The following FCRL5 variants were observed in gnomAD, a reference collection of about 807,000 sequenced individuals.
FCRL5 encodes Fc receptor-like protein 5.
A neutral mutation model predicts 92.1 loss-of-function variants in FCRL5; 79 were observed. The ratio of observed to expected loss-of-function variants is 0.86; its 90% CI spans 0.72 to 1.03. FCRL5 has a LOEUF of 1.03. Among genes scored for constraint, FCRL5 ranks in the 50% least tolerant of loss-of-function variants. FCRL5 has a pLI of 0.00. For synonymous variants in FCRL5, 466 were observed against 469.3 expected (o/e 0.99, Z 0.09); for missense variants, 1,160 against 1,181.1 (o/e 0.98, Z 0.26).
intron 9 of FCRL5, among the ~76,000 whole-genome samples, chr1:157,526,201 GA>G (rs538477861): frequency 1.3e-5 from 2 of 152,204 alleles, no homozygotes; most frequent in South Asian, 4.1e-4. Context: ...TTTCAAGAAG[GA>G]AGAAATGGTA....
intron 10 of FCRL5, chr1:157,523,921 G>A (rs893175828): frequency 4.1e-5 from 14 of 343,306 alleles, no homozygotes; most frequent in Admixed American, 4.3e-5. Context: ...AGAAGAATCC[G>A]GACAAGAAAC....
In FCRL5 at chr1:157,534,874, A is replaced by G; in HGVS notation, c.1421T>C (p.Val474Ala). ...LSVTVPVSHPVLTLSSAEALT... is the reference protein window; with the variant it reads ...LSVTVPVSHPALTLSSAEALT... Reference sequence around the variant, plus strand: ...GGCCTCAGCAGAGCTGAGGGTGAGGACAGGATGAGACACAGGGACTGAGGA... The same window carrying G: ...GGCCTCAGCAGAGCTGAGGGTGAGGGCAGGATGAGACACAGGGACTGAGGA... Residue 474 changes from valine to alanine, a missense_variant, in exon 8 of 17, where the codon GTC (valine) becomes GCC (alanine). Physicochemically the swap from Val to Ala is moderately conservative, Grantham distance 64. Transcript: ENST00000361835. 3 of 1,536,858 alleles carry G rather than the reference A, an allele frequency of 2.0e-6. No individual in the cohort carries two copies. The highest frequency in any genetic ancestry group is 1.3e-5 in the South Asian group (1 of 77,382).
At chr1:157,547,756 C>A (rs1313029749) in intron 2 of FCRL5, among the ~76,000 whole-genome samples, 1 of 152,246 alleles carries the variant, frequency 6.6e-6, no homozygotes, top group African/African-American at 2.4e-5. Context: ...GTGACCAGGA[C>A]AAAGTTACAG....
intron 7 of FCRL5, among the ~76,000 whole-genome samples, chr1:157,537,671 G>A (rs1376719171): frequency 2.0e-5 from 3 of 152,090 alleles, no homozygotes; most frequent in African/African-American, 7.2e-5. Context: ...TATGGCTTAA[G>A]GGGCATCATG....
chr1:157,522,583 A>T (rs929300969), intron 10 of FCRL5: 2 of 152,252 alleles, frequency 1.3e-5, no homozygotes, highest in African/African-American at 4.8e-5. Flanking sequence ...GAACCTGGTG[A>T]AGGCTCAGTG....
intron 8 of FCRL5, among the ~76,000 whole-genome samples, chr1:157,529,412 G>T (rs1025336754): frequency 1.3e-5 from 2 of 152,120 alleles, no homozygotes; most frequent in African/African-American, 2.4e-5. Flanking sequence ...ACTAAAAGTA[G>T]AACTACCATT....
At chr1:157,515,974 C>G in intron 15 of FCRL5, 101 bp from the exon 16 acceptor site, 3 of 1,311,324 alleles carry the variant, frequency 2.3e-6, no homozygotes, top group Admixed American at 3.7e-5. Context: ...GAGGCCCGCT[C>G]TCCCTCTGTG....
chr1:157,552,281 G>A, intron 1 of FCRL5, 51 bp downstream of exon 1: 1 of 1,585,978 alleles, frequency 6.3e-7, no homozygotes, highest in Non-Finnish European at 8.7e-7. Context: ...GCGGTGGAGA[G>A]AGAAGCTGTC....
rs995462051 is a variant in FCRL5 at position 157,524,129 on chromosome 1, C to G, written c.2239+150G>C. 1.2e-5 allele frequency: 9 copies of G among 724,190 alleles called. No individual in the cohort carries two copies. The African/African-American group carries it at 1.6e-4, about 13-fold the overall frequency. 44.9% of individuals were successfully genotyped at this position (724,190 alleles called of 1,614,324 possible). On this transcript the variant is annotated intron_variant, in intron 10 of 16. Transcript: ENST00000361835. ...GAACCATACCACAAAGGATCCGAGA[C>G]TTTCACAGGGAGGTTCTGCAGGCAG...
chr1:157,545,764 G>A (rs6694673), intron 3 of FCRL5, among the ~76,000 whole-genome samples: 36,589 of 151,946 alleles, frequency 0.24, 4,744 homozygotes, highest in Middle Eastern at 0.38. Flanking sequence ...TCCTGACCTC[G>A]TGATCCACCC....
At chr1:157,545,129 C>T in intron 3 of FCRL5, 47 bp from the exon 4 acceptor site, 1 of 1,557,608 alleles carries the variant, frequency 6.4e-7, no homozygotes. Flanking sequence ...ACTGTTTCCC[C>T]TTTCTTTTCA....
intron 5 of FCRL5, 106 bp downstream of exon 5, chr1:157,544,156 A>G (rs1329157232): frequency 7.8e-6 from 9 of 1,158,724 alleles, no homozygotes; most frequent in Non-Finnish European, 1.1e-5. Context: ...CCATTCTCAC[A>G]GGTACGAGTT....
chr1:157,516,262 G>A (rs1125969), intron 15 of FCRL5, among the ~76,000 whole-genome samples: 37,570 of 152,260 alleles, frequency 0.25, 5,584 homozygotes, highest in Admixed American at 0.39. Flanking sequence ...TGAGCCTGCC[G>A]CCTGTCTTGT....
In FCRL5 at chr1:157,527,607, G is replaced by C. The variant is rs1650488113; in HGVS notation, c.1960+10C>G. On this transcript the variant is annotated intron_variant, in intron 9 of 16. Transcript: ENST00000361835. The stretch of plus-strand genomic sequence containing the variant: ...TTTTTATTTTTGTGCTGCTGGTTAG[G>C]TCAACTTACCTATAACACTGAGTGA... The C allele has an allele frequency of 1.3e-6, 2 of 1,572,904 alleles. No individual in the cohort carries two copies. The highest frequency in any genetic ancestry group is 1.7e-6 in the Non-Finnish European group (2 of 1,159,294).
chr1:157,544,458 A>C lies in FCRL5; in HGVS notation c.648T>G (p.Ser216=), dbSNP rs1405274971. 1 of 1,614,214 alleles carries C rather than the reference A, an allele frequency of 6.2e-7. No homozygotes were observed. Among genetic ancestry groups the C allele is most frequent in the Non-Finnish European group, 8.5e-7 (1 of 1,180,040 alleles). The change falls in exon 5 of 17, where the codon TCT becomes TCG. Residue 216 remains serine, a synonymous_variant. Transcript: ENST00000361835. The part of the protein sequence containing the change: ...PVTLTCETQL[S]LERSDVPLRF... ...GGAGCGGGACATCTGACCTCTCTAGAGAGAGCTGGGTCTCACAGGTCAGGG... is the reference window on the plus strand; with the variant it reads ...GGAGCGGGACATCTGACCTCTCTAGCGAGAGCTGGGTCTCACAGGTCAGGG...
rs1335493774 is a variant in FCRL5 at position 157,539,101 on chromosome 1, T to A, written c.1387A>T (p.Ser463Cys). Residue 463 changes from serine to cysteine, a missense_variant, in exon 7 of 17, where the codon AGC (serine) becomes TGC (cysteine). Ser to Cys is a moderately radical substitution (Grantham distance 112). Coordinates refer to ENST00000361835, the MANE Select transcript of FCRL5 (RefSeq NM_031281.3). ...CAGGGCTTACCAGTGACGGAGAGGC[T>A]CACCGCCTTACTGCGCTGGGGGCCA... is the stretch of plus-strand genomic sequence containing the variant. ...GFGPQRSKAVSLSVTVPVSHP... is the reference protein window; with the variant it reads ...GFGPQRSKAVCLSVTVPVSHP... 2 of 1,613,466 alleles carry A rather than the reference T, an allele frequency of 1.2e-6. No individual in the cohort carries two copies. The highest frequency in any genetic ancestry group is 1.7e-6 in the Non-Finnish European group (2 of 1,179,846).
chr1:157,542,690 G>T, intron 6 of FCRL5, 169 bp downstream of exon 6: 1 of 809,146 alleles, frequency 1.2e-6, no homozygotes, highest in South Asian at 1.9e-5. Context: ...AATGCAACGA[G>T]ACTCAAGAGG....
At chr1:157,528,031 C>T in intron 8 of FCRL5, 136 bp from the exon 9 acceptor site, 1 of 1,019,822 alleles carries the variant, frequency 9.8e-7, no homozygotes, top group Non-Finnish European at 1.4e-6. Flanking sequence ...CAAATTGTTG[C>T]TGTTCACTGA....
At position 157,513,844 on chromosome 1, in the gene FCRL5, T is replaced by C. The variant is rs544688325; in HGVS notation, c.*1831A>G. The C allele has an allele frequency of 6.6e-6, 1 of 152,330 alleles. No individual in the cohort carries two copies. Among genetic ancestry groups the C allele is most frequent in the East Asian group, 1.9e-4 (1 of 5,190 alleles). 9.4% of individuals were successfully genotyped at this position (152,330 alleles called of 1,614,324 possible). On this transcript the variant is annotated 3_prime_UTR_variant, in exon 17 of 17. Coordinates refer to ENST00000361835, the MANE Select transcript of FCRL5 (RefSeq NM_031281.3). ...TCCAGAACAGACTGTGAGCAGATTT[T>C]TTTCTTTAATCCTGAGCCTATGCTT...
Sources: gnomAD v4.1 joint callset for allele counts (sites outside exome capture counted in the v4.1 genomes callset) on GRCh38, gnomAD v4.1.1 for gene constraint, MANE v1.5 for transcripts, NCBI Gene and HGNC (gene_info 2026-07-23, HGNC 2026-07-21) for gene names.